The following CABIN1 variants were observed in gnomAD, a reference collection of about 807,000 sequenced individuals.
CABIN1 encodes calcineurin-binding protein cabin-1.
Under a neutral mutation model 227.7 loss-of-function variants are expected in CABIN1, and 133 were observed. That is an observed-to-expected ratio of 0.58 (90% confidence interval 0.51 to 0.67). CABIN1 has a LOEUF of 0.67. Among genes scored for constraint, CABIN1 ranks in the 30% least tolerant of loss-of-function variants. CABIN1 has a pLI of 0.00. For missense variants in CABIN1, 2,408 were observed against 2,852.5 expected (o/e 0.84, Z 3.55); for synonymous variants, 1,086 against 1,155.1 (o/e 0.94, Z 1.21).
At chr22:24,120,030 TGTC>T (rs1216325263) in intron 28 of CABIN1, among the ~76,000 whole-genome samples, 1 of 152,196 alleles carries the variant, frequency 6.6e-6, no homozygotes, top group Non-Finnish European at 1.5e-5. Flanking sequence ...CAAACTCTGA[TGTC>T]GTGCTCCCTC....
chr22:24,071,353 G>A (rs2146725725), intron 17 of CABIN1, among the ~76,000 whole-genome samples: 1 of 152,266 alleles, frequency 6.6e-6, no homozygotes, highest in East Asian at 1.9e-4. Context: ...GTGAGCCAGA[G>A]GCAGAATGGG....
rs114256780 is a variant in CABIN1, at chr22:24,139,640, T to C, written c.4746+5225T>C. On this transcript the variant is annotated intron_variant, in intron 29 of 36. Transcript: ENST00000263119. Reference sequence around the variant, plus strand: ...TCCATGACACCAAGTCTTGGAGAAGTTTCCATGTGAGAAGGTCAGGTCATT... The same window carrying C: ...TCCATGACACCAAGTCTTGGAGAAGCTTCCATGTGAGAAGGTCAGGTCATT... 9.4e-3 allele frequency among the ~76,000 whole-genome samples: 1,425 copies of C among 152,196 alleles called. 20 individuals are homozygous for C. Among genetic ancestry groups the C allele is most frequent in the African/African-American group, 0.033 (1,356 of 41,516 alleles).
intron 26 of CABIN1, chr22:24,102,316 A>C (rs903728023): frequency 6.6e-6 from 1 of 152,194 alleles, no homozygotes; most frequent in African/African-American, 2.4e-5. Flanking sequence ...TTGGACTAAA[A>C]TCCTTGCTCT....
chr22:24,119,638 C>A lies in CABIN1; in HGVS notation c.4572C>A (p.Pro1524=). ...ASFRLCLSRF[P]QHYKSLYRLA... ...TCCGCCTGTGCCTGAGCCGCTTCCC[C>A]CAGCACTATAAGAGTCTCTACCGTC... The change falls in exon 28 of 37, where the codon CCC becomes CCA. Residue 1524 remains proline, a synonymous_variant. Transcript: ENST00000263119. 6.2e-7 allele frequency: 1 copy of A among 1,614,008 alleles called. No homozygotes were observed. The highest frequency in any genetic ancestry group is 8.5e-7 in the Non-Finnish European group (1 of 1,180,022).
chr22:24,018,272 A>T (rs2035450689), intron 1 of CABIN1, among the ~76,000 whole-genome samples: 3 of 151,806 alleles, frequency 2.0e-5, no homozygotes, highest in Non-Finnish European at 2.9e-5. Context: ...CTGAGTTTTT[A>T]AATTTTTTTT....
chr22:24,059,035 C>G (rs538825331), intron 10 of CABIN1, among the ~76,000 whole-genome samples, 192 bp from the exon 11 acceptor site: 1 of 152,370 alleles, frequency 6.6e-6, no homozygotes, highest in Admixed American at 6.5e-5. Flanking sequence ...AGACAGGATA[C>G]AGACCAAATG....
At chr22:24,098,236 C>G in intron 26 of CABIN1, 44 bp downstream of exon 26, 1 of 1,613,308 alleles carries the variant, frequency 6.2e-7, no homozygotes, top group Non-Finnish European at 8.5e-7. Flanking sequence ...GGCGGCACAT[C>G]AATCACGGGG....
chr22:24,059,915 C>T lies in CABIN1; in HGVS notation c.1400-9C>T, dbSNP rs960359009. On this transcript the variant is annotated splice_polypyrimidine_tract_variant and intron_variant, in intron 11 of 36. Coordinates refer to ENST00000263119, the MANE Select transcript of CABIN1 (RefSeq NM_012295.4). Reference sequence around the variant, plus strand: ...TATTCAAGTCAGGTTGTTCTTGCTCCCCGGGCAGAAAAGCAGGACGTGCAT... The same window carrying T: ...TATTCAAGTCAGGTTGTTCTTGCTCTCCGGGCAGAAAAGCAGGACGTGCAT... 3 of 1,613,590 alleles carry T rather than the reference C, an allele frequency of 1.9e-6. No individual in the cohort carries two copies. The highest frequency in any genetic ancestry group is 1.3e-5 in the African/African-American group (1 of 74,894).
rs761062938 is a variant in CABIN1, at chr22:24,119,630, C to T, written c.4564C>T (p.Arg1522Cys). 4 of 1,613,918 alleles carry T rather than the reference C, an allele frequency of 2.5e-6. No individual in the cohort carries two copies. Among genetic ancestry groups the T allele is most frequent in the Non-Finnish European group, 3.4e-6 (4 of 1,179,960 alleles). The stretch of plus-strand genomic sequence containing the variant: ...CGCCTCCTTCCGCCTGTGCCTGAGC[C>T]GCTTCCCCCAGCACTATAAGAGTCT... ...CIASFRLCLSRFPQHYKSLYR... is the reference protein window; with the variant it reads ...CIASFRLCLSCFPQHYKSLYR... The change falls in exon 28 of 37, where the codon CGC becomes TGC. Residue 1522 changes from arginine to cysteine, a missense_variant. Around this residue, in one of 3 missense-constraint regions of CABIN1, gnomAD observed 649 missense variants for 910.3 expected, o/e 0.71. Coordinates refer to ENST00000263119, the MANE Select transcript of CABIN1 (RefSeq NM_012295.4).
At chr22:24,108,825 G>C (rs2042656021) in intron 26 of CABIN1, among the ~76,000 whole-genome samples, 1 of 152,138 alleles carries the variant, frequency 6.6e-6, no homozygotes, top group Non-Finnish European at 1.5e-5. Context: ...CCATCTACAT[G>C]GTGCTGCTTA....
At chr22:24,079,852 G>A (rs1409641390) in intron 19 of CABIN1, among the ~76,000 whole-genome samples, 1 of 152,058 alleles carries the variant, frequency 6.6e-6, no homozygotes, top group Non-Finnish European at 1.5e-5. Flanking sequence ...CACATATTGT[G>A]TCTGTGTGCT....
intron 1 of CABIN1, among the ~76,000 whole-genome samples, chr22:24,013,926 A>G (rs966191429): frequency 6.6e-6 from 1 of 152,202 alleles, no homozygotes; most frequent in African/African-American, 2.4e-5. Context: ...ACAAAGACAC[A>G]TTATCTTTGT....
chr22:24,149,288 TCA>T (rs2045344570), intron 29 of CABIN1, among the ~76,000 whole-genome samples: 1 of 152,188 alleles, frequency 6.6e-6, no homozygotes, highest in Non-Finnish European at 1.5e-5. Flanking sequence ...TTTGTCAGCC[TCA>T]GTTTCTTTAT....
intron 1 of CABIN1, among the ~76,000 whole-genome samples, chr22:24,014,187 TTC>T (rs1293664526): frequency 3.9e-5 from 6 of 152,236 alleles, no homozygotes; most frequent in Non-Finnish European, 8.8e-5. Flanking sequence ...AGGTAATTAT[TTC>T]TCTCTTTCCT....
intron 28 of CABIN1, among the ~76,000 whole-genome samples, chr22:24,132,598 TG>T (rs1287617721): frequency 6.6e-6 from 1 of 152,176 alleles, no homozygotes; most frequent in Non-Finnish European, 1.5e-5. Flanking sequence ...GTTATTTTTT[TG>T]TTTTTTGAGA....
chr22:24,041,201 C>T lies in CABIN1; in HGVS notation c.273C>T (p.Ser91=). Residue 91 remains serine, a synonymous_variant, in exon 5 of 37, where the codon TCC becomes TCT. Coordinates refer to ENST00000263119, the MANE Select transcript of CABIN1 (RefSeq NM_012295.4). ...ACCCTGGGCTGATACTGAAATATTC[C>T]ACTTATAAGAACTTGGCCCAGCTGG... The part of the protein sequence containing the change: ...LKHPGLILKY[S]TYKNLAQLAA... 2.5e-6 allele frequency: 4 copies of T among 1,614,196 alleles called. No homozygotes were observed. Among genetic ancestry groups the T allele is most frequent in the Non-Finnish European group, 3.4e-6 (4 of 1,180,026 alleles).
At chr22:24,069,832 C>T (rs1028294525) in intron 16 of CABIN1, among the ~76,000 whole-genome samples, 16 of 152,160 alleles carry the variant, frequency 1.1e-4, no homozygotes, top group Non-Finnish European at 2.2e-4. Flanking sequence ...GACCCCACAC[C>T]TGTTGGTCTC....
At chr22:24,163,288 C>G (rs1015678299) in intron 29 of CABIN1, among the ~76,000 whole-genome samples, 3 of 152,146 alleles carry the variant, frequency 2.0e-5, no homozygotes, top group Non-Finnish European at 4.4e-5. Flanking sequence ...CAGCTCAGGG[C>G]TGGAGGTGCC....
chr22:24,022,431 C>CAT (rs752207348), intron 1 of CABIN1, among the ~76,000 whole-genome samples: 12 of 152,188 alleles, frequency 7.9e-5, no homozygotes, highest in African/African-American at 1.2e-4. Flanking sequence ...TCAGTTGTTT[C>CAT]ATATATCAAT....
Sources: allele counts gnomAD v4.1 joint callset (sites outside exome capture counted in the v4.1 genomes callset), GRCh38; gene constraint gnomAD v4.1.1; regional missense constraint gnomAD v4.1.1; transcripts MANE v1.5; gene names NCBI Gene and HGNC (gene_info 2026-07-23, HGNC 2026-07-21).